RFC5: variants seen among roughly 807,000 people sequenced by gnomAD.
The protein encoded by RFC5 is A1 36 kDa subunit.
A neutral mutation model predicts 44.3 loss-of-function variants in RFC5; 26 were observed. The ratio of observed to expected loss-of-function variants is 0.59; its 90% CI spans 0.43 to 0.81. The LOEUF (loss-of-function observed/expected upper bound fraction) is 0.81. Ranked by LOEUF, RFC5 falls within the 40% of genes least tolerant of loss-of-function variation. RFC5 has a pLI of 0.00. For missense variants in RFC5, 328 were observed against 418.6 expected (o/e 0.78, Z 1.89); for synonymous variants, 155 against 155.2 (o/e 1.00, Z 0.01).
In RFC5 at chr12:118,019,807, G is replaced by T. The variant is rs138871448; in HGVS notation, c.267+39G>T. The T allele has an allele frequency of 1.4e-4, 222 of 1,541,366 alleles. 1 individual carries two copies. Among genetic ancestry groups the T allele is most frequent in the Middle Eastern group, 1.0e-3 (6 of 5,856 alleles). ...TTCTTACTCTACAAATAACTTAAGA[G>T]ACTCCAGTCTCTTAATTTCAGTTCT... On this transcript the variant is annotated intron_variant, in intron 3 of 10. Coordinates refer to ENST00000454402, the MANE Select transcript of RFC5 (RefSeq NM_007370.7). The surrounding 1 kb of genome is among the most constrained non-coding windows in gnomAD (Gnocchi z 4.2).
At chr12:118,023,167 A>C (rs913437090) in intron 5 of RFC5, among the ~76,000 whole-genome samples, 4 of 151,922 alleles carry the variant, frequency 2.6e-5, no homozygotes, top group South Asian at 2.1e-4. Flanking sequence ...TGAGGTGCTC[A>C]GAGAGCTGAT....
chr12:118,026,867 CT>C, intron 7 of RFC5, 21 bp from the exon 8 acceptor site: 2 of 1,609,240 alleles, frequency 1.2e-6, no homozygotes, highest in Non-Finnish European at 8.5e-7. Context: ...GTGATCTCCC[CT>C]TTCCCCCTCT....
At position 118,031,285 on chromosome 12, in the gene RFC5, T is replaced by G. The variant is rs750986758; in HGVS notation, c.*7T>G. Reference sequence around the variant, plus strand: ...GATTGTTGCAGAGGCCTAGATGCTCTGAGGGCCATTCACAATTCTCAGGGC... The same window carrying G: ...GATTGTTGCAGAGGCCTAGATGCTCGGAGGGCCATTCACAATTCTCAGGGC... On this transcript the variant is annotated 3_prime_UTR_variant, in exon 11 of 11. Coordinates refer to ENST00000454402, the MANE Select transcript of RFC5 (RefSeq NM_007370.7). 2.5e-6 allele frequency: 4 copies of G among 1,579,320 alleles called. No homozygotes were observed. Among genetic ancestry groups the G allele is most frequent in the Non-Finnish European group, 3.5e-6 (4 of 1,148,920 alleles).
chr12:118,034,740 C>G (rs1593460836), downstream of RFC5: 1 of 539,830 alleles, frequency 1.9e-6, no homozygotes, highest in Non-Finnish European at 3.2e-6. Flanking sequence ...CAATTTTATT[C>G]TCCCTTGTGA....
chr12:118,036,313 G>A, downstream of RFC5: 2 of 1,603,726 alleles, frequency 1.2e-6, no homozygotes. Context: ...CCACAAAAAA[G>A]TCATAGCAGG....
the RFC5 span, among the ~76,000 whole-genome samples, chr12:118,040,606 C>A: frequency 6.7e-6 from 1 of 149,734 alleles, no homozygotes; most frequent in Non-Finnish European, 1.5e-5. Flanking sequence ...ACTAAAAATA[C>A]GAAAATTAGC....
In RFC5 at chr12:118,026,740, T is replaced by C. The variant is rs957199804; in HGVS notation, c.664-149T>C. On this transcript the variant is annotated intron_variant, in intron 7 of 10. Transcript: ENST00000454402. ...CTCTGATGAGGTGACTCTTCCGGTA[T>C]TGAATATGTGGGTTCCCACTGCCTT... 5.3e-6 allele frequency: 4 copies of C among 752,682 alleles called. No homozygotes were observed. The Admixed American group carries it at 9.8e-5, about 18-fold the overall frequency. 46.6% of individuals were successfully genotyped at this position (752,682 alleles called of 1,614,324 possible).
At chr12:118,025,879 TG>T (rs1566126613) in intron 7 of RFC5, 51 bp downstream of exon 7, 1 of 1,138,168 alleles carries the variant, frequency 8.8e-7, no homozygotes, top group East Asian at 2.4e-5. Context: ...GACAGAGTCT[TG>T]CTCTGTCGCT....
In RFC5 at chr12:118,030,728, T is replaced by G. The variant is rs573792473; in HGVS notation, c.927-454T>G. On this transcript the variant is annotated intron_variant, in intron 10 of 10. Transcript: ENST00000454402. Reference sequence around the variant, plus strand: ...GTCTCGGCTCACTGCAACCTCTGCCTCCCAGGTTCAAGCGATTCACCTGCC... The same window carrying G: ...GTCTCGGCTCACTGCAACCTCTGCCGCCCAGGTTCAAGCGATTCACCTGCC... Among the ~76,000 whole-genome samples, 30 of 152,266 alleles carry G rather than the reference T, an allele frequency of 2.0e-4. No individual in the cohort carries two copies. The South Asian group carries it at 6.2e-3, about 32-fold the overall frequency.
At chr12:118,020,282 C>A (rs898891026) in intron 3 of RFC5, among the ~76,000 whole-genome samples, 1 of 152,204 alleles carries the variant, frequency 6.6e-6, no homozygotes, top group Admixed American at 6.5e-5. Flanking sequence ...TGGTACCTTT[C>A]CTGCAGCCCT....
At chr12:118,036,276 T>C, downstream of RFC5, 1 of 1,558,280 alleles carries the variant, frequency 6.4e-7, no homozygotes, top group Non-Finnish European at 8.8e-7. Context: ...ACATGTCTAA[T>C]CCCAGGCAGG....
chr12:118,039,507 T>C, the RFC5 span, among the ~76,000 whole-genome samples: 1 of 151,948 alleles, frequency 6.6e-6, no homozygotes, highest in Non-Finnish European at 1.5e-5. Context: ...GTGCACAGGA[T>C]TATACAAGTA....
rs910057270 is a variant in RFC5 at position 118,031,947 on chromosome 12, T to C, written c.*669T>C. On this transcript the variant is annotated 3_prime_UTR_variant, in exon 11 of 11. Transcript: ENST00000454402. Reference sequence around the variant, plus strand: ...TGGCAGAGGCTGTATAAAACGCACTTGTTTTCATGCAGGAGCGGGGCAAGT... The same window carrying C: ...TGGCAGAGGCTGTATAAAACGCACTCGTTTTCATGCAGGAGCGGGGCAAGT... The C allele has an allele frequency of 1.3e-5, 2 of 152,236 alleles. No individual in the cohort carries two copies. Among genetic ancestry groups the C allele is most frequent in the Non-Finnish European group, 2.9e-5 (2 of 68,038 alleles). 9.4% of individuals were successfully genotyped at this position (152,236 alleles called of 1,614,324 possible).
downstream of RFC5, chr12:118,034,572 G>GCTCTCTCTCTCT: frequency 4.4e-6 from 2 of 453,674 alleles, no homozygotes; most frequent in African/African-American, 2.6e-5. Flanking sequence ...TGATACCAAA[G>GCTCTCTCTCTCT]CGCTCTCTCT....
the RFC5 span, among the ~76,000 whole-genome samples, chr12:118,040,647 T>G: frequency 4.2e-4 from 60 of 143,960 alleles, no homozygotes; most frequent in Non-Finnish European, 4.7e-4. Context: ...TGGAGGAGGC[T>G]CTGTCTCAAA....
At chr12:118,027,921 A>C in intron 8 of RFC5, 32 bp from the exon 9 acceptor site, 1 of 1,401,026 alleles carries the variant, frequency 7.1e-7, no homozygotes, top group Non-Finnish European at 1.0e-6. Context: ...TTGTTCTGGA[A>C]CTTGTTCCCT....
downstream of RFC5, chr12:118,034,533 G>T: frequency 1.4e-6 from 1 of 715,116 alleles, no homozygotes; most frequent in Non-Finnish European, 2.2e-6. Flanking sequence ...TAAAGCTGCT[G>T]ATAGGATTAG....
chr12:118,034,058 TG>T, downstream of RFC5: 1 of 1,181,168 alleles, frequency 8.5e-7, no homozygotes, highest in Non-Finnish European at 1.2e-6. Context: ...CACTGGAATC[TG>T]GTTTTGCTAC....
intron 4 of RFC5, 116 bp downstream of exon 4, chr12:118,021,101 G>A (rs1467886136): frequency 1.7e-6 from 1 of 585,380 alleles, no homozygotes; most frequent in African/African-American, 1.9e-5. Flanking sequence ...AAGTGACTTT[G>A]TCCAAAGCAA....
Sources: allele counts gnomAD v4.1 joint callset (sites outside exome capture counted in the v4.1 genomes callset), GRCh38; gene constraint gnomAD v4.1.1; non-coding constraint Gnocchi (gnomAD v3.1); transcripts MANE v1.5; gene names NCBI Gene and HGNC (gene_info 2026-07-23, HGNC 2026-07-21).